NR3C1: variants seen among roughly 807,000 people sequenced by gnomAD.
NR3C1 encodes the protein glucocorticoid receptor.
Under a neutral mutation model 74.0 loss-of-function variants are expected in NR3C1, and 14 were observed. The observed-to-expected ratio is 0.19, with a 90% CI of 0.12 to 0.30. The LOEUF (loss-of-function observed/expected upper bound fraction) is 0.30. NR3C1 is among the 10% of genes least tolerant of loss of function. The pLI, the probability that NR3C1 is intolerant of heterozygous loss-of-function variation, is 1.00. For missense variants in NR3C1, 695 were observed against 909.8 expected, an observed-to-expected ratio of 0.76 and a Z score of 3.04; for synonymous variants, 308 against 332.5, an observed-to-expected ratio of 0.93 and a Z score of 0.80.
At chr5:143,303,280 A>G (rs1048667275) in intron 4 of NR3C1, among the ~76,000 whole-genome samples, 1 of 151,748 alleles carries the variant, frequency 6.6e-6, no homozygotes, top group African/African-American at 2.4e-5. Context: ...TGAAAGTATC[A>G]TTTTTGTTTT....
chr5:143,391,589 T>C (rs1439667644), intron 2 of NR3C1, among the ~76,000 whole-genome samples: 1 of 152,186 alleles, frequency 6.6e-6, no homozygotes, highest in South Asian at 2.1e-4. Context: ...AATATAACAA[T>C]GTGGTTGGAG....
intron 7 of NR3C1, 38 bp downstream of exon 7, chr5:143,295,422 C>T: frequency 6.2e-7 from 1 of 1,607,836 alleles, no homozygotes; most frequent in Non-Finnish European, 8.5e-7. Context: ...CTTCATATTT[C>T]ATGCTTTTGA....
At position 143,286,540 on chromosome 5, in the gene NR3C1, A is replaced by G. The variant is rs10482698; in HGVS notation, c.2024-3815T>C. ...ATCTTGAGGCACAAAAGCATATGATAAAAGTTTTTTTTGCTATTATGAATA... is the reference window on the plus strand; with the variant it reads ...ATCTTGAGGCACAAAAGCATATGATGAAAGTTTTTTTTGCTATTATGAATA... On this transcript the variant is annotated intron_variant, in intron 7 of 8. Transcript: ENST00000394464. Among the ~76,000 whole-genome samples the G allele has an allele frequency of 5.1e-3, 770 of 152,276 alleles. 4 individuals carry two copies. The highest frequency in any genetic ancestry group is 0.017 in the African/African-American group (716 of 41,570).
At chr5:143,368,195 G>T (rs1833602443) in intron 2 of NR3C1, among the ~76,000 whole-genome samples, 1 of 152,060 alleles carries the variant, frequency 6.6e-6, no homozygotes, top group Admixed American at 6.6e-5. Flanking sequence ...TTACACAAAA[G>T]AATAAGTTAG....
intron 1 of NR3C1, among the ~76,000 whole-genome samples, chr5:143,412,562 C>G (rs1159977706): frequency 1.3e-5 from 2 of 152,104 alleles, no homozygotes; most frequent in African/African-American, 4.8e-5. Flanking sequence ...AAAGAAGGAC[C>G]CTACCAAAAG....
At position 143,403,672 on chromosome 5, in the gene NR3C1, G is replaced by A; in HGVS notation, c.-475C>T. The stretch of plus-strand genomic sequence containing the variant: ...GCGAGCGAGCGGGACCGAGCGGGGA[G>A]CGGGTGGAGGCGGCGCCACGGCGCG... On this transcript the variant is annotated 5_prime_UTR_variant, in exon 1 of 9. Coordinates refer to ENST00000394464, the MANE Select transcript of NR3C1 (RefSeq NM_000176.3). 4.1e-6 allele frequency: 4 copies of A among 985,502 alleles called. No homozygotes were observed. The highest frequency in any genetic ancestry group is 4.8e-6 in the Non-Finnish European group (4 of 830,022). The allele number at this position is 985,502 out of a possible 1,614,324, so 61.0% of individuals were successfully genotyped here. A position where few individuals can be genotyped will look rare whatever the true frequency, so the allele number is the denominator to read the frequency against.
intron 2 of NR3C1, among the ~76,000 whole-genome samples, chr5:143,374,334 T>C (rs1240662324): frequency 2.0e-5 from 3 of 151,722 alleles, no homozygotes; most frequent in Non-Finnish European, 4.4e-5. Flanking sequence ...CTACTAAAAA[T>C]ACAAAAAATT....
chr5:143,395,533 G>A (rs1839040947), intron 2 of NR3C1, among the ~76,000 whole-genome samples: 1 of 151,770 alleles, frequency 6.6e-6, no homozygotes, highest in African/African-American at 2.4e-5. Flanking sequence ...AATTACTCTT[G>A]ATGAAAATAT....
At chr5:143,351,714 AT>A (rs1477486772) in intron 2 of NR3C1, among the ~76,000 whole-genome samples, 1 of 152,206 alleles carries the variant, frequency 6.6e-6, no homozygotes, top group African/African-American at 2.4e-5. Context: ...CTTATTTTAT[AT>A]TCTCAGCTAA....
At chr5:143,329,227 G>C (rs1825356770) in intron 2 of NR3C1, among the ~76,000 whole-genome samples, 1 of 152,168 alleles carries the variant, frequency 6.6e-6, no homozygotes, top group Non-Finnish European at 1.5e-5. Flanking sequence ...GAGAGAGAAA[G>C]CACAGGGGAA....
chr5:143,295,293 CACTT>C lies in NR3C1; in HGVS notation c.2023+163_2023+166del, dbSNP rs1300980715. The C allele has an allele frequency of 3.0e-6, 3 of 985,158 alleles. No homozygotes were observed. The African/African-American group carries it at 5.2e-5, about 17-fold the overall frequency. 61.0% of individuals were successfully genotyped at this position (985,158 alleles called of 1,614,324 possible). On this transcript the variant is annotated intron_variant, in intron 7 of 8. Transcript: ENST00000394464. ...CTATTTGTCTTATTAATCTTGGTGT[CACTT>C]ACTGTGCCTTTCTAATATTTTACAT...
intron 1 of NR3C1, among the ~76,000 whole-genome samples, chr5:143,415,661 T>C (rs1176582319): frequency 6.6e-6 from 1 of 152,190 alleles, no homozygotes; most frequent in East Asian, 1.9e-4. Context: ...CCTTTCCTTA[T>C]TGAAGTATAT....
chr5:143,365,451 A>C (rs1833021388), intron 2 of NR3C1, among the ~76,000 whole-genome samples: 2 of 152,240 alleles, frequency 1.3e-5, no homozygotes, highest in Non-Finnish European at 2.9e-5. Context: ...ATGATAAAAG[A>C]ATCAATCTAT....
intron 2 of NR3C1, among the ~76,000 whole-genome samples, chr5:143,346,967 G>A (rs1332834592): frequency 2.6e-5 from 4 of 152,176 alleles, no homozygotes; most frequent in East Asian, 1.9e-4. Context: ...TGTGCTCAGT[G>A]CTTTCTGATT....
chr5:143,382,061 A>T (rs1278225069), intron 2 of NR3C1, among the ~76,000 whole-genome samples: 1 of 152,202 alleles, frequency 6.6e-6, no homozygotes, highest in African/African-American at 2.4e-5. Context: ...GAGTTCAGAC[A>T]ACAGGAAAAA....
intron 1 of NR3C1, among the ~76,000 whole-genome samples, chr5:143,424,646 T>C (rs1460422480): frequency 1.3e-5 from 2 of 152,046 alleles, no homozygotes; most frequent in African/African-American, 4.8e-5. Flanking sequence ...TAGTGGAAAA[T>C]AGACACATAA....
chr5:143,406,444 C>G (rs887636116), upstream of NR3C1, among the ~76,000 whole-genome samples: 1 of 149,928 alleles, frequency 6.7e-6, no homozygotes, highest in Non-Finnish European at 1.5e-5. Context: ...TTTCTCTCTT[C>G]AGCAATCTAA....
At chr5:143,348,506 G>A (rs961288234) in intron 2 of NR3C1, among the ~76,000 whole-genome samples, 1 of 152,146 alleles carries the variant, frequency 6.6e-6, no homozygotes, top group Non-Finnish European at 1.5e-5. Flanking sequence ...GAAGTCAAAC[G>A]AAGTGACACG....
chr5:143,389,818 G>T, intron 2 of NR3C1: 1 of 337,562 alleles, frequency 3.0e-6, no homozygotes, highest in Non-Finnish European at 4.2e-6. Context: ...ACAGAACAAA[G>T]TAAGAGGTTC....
Sources: allele counts gnomAD v4.1 joint callset (sites outside exome capture counted in the v4.1 genomes callset), GRCh38; gene constraint gnomAD v4.1.1; transcripts MANE v1.5; gene names NCBI Gene and HGNC (gene_info 2026-07-23, HGNC 2026-07-21).